The following CDKL5 variants were observed in gnomAD, a reference collection of about 807,000 sequenced individuals.
CDKL5 encodes cyclin dependent kinase like 5.
A neutral mutation model predicts 61.7 loss-of-function variants in CDKL5; 8 were observed. The observed-to-expected ratio is 0.13, with a 90% CI of 0.08 to 0.23. CDKL5 has a LOEUF of 0.23. Ranked by LOEUF, CDKL5 falls within the 10% of genes least tolerant of loss-of-function variation. The pLI is 1.00. For synonymous variants in CDKL5, 275 were observed against 272.3 expected, an observed-to-expected ratio of 1.01 and a Z score of -0.10; for missense variants, 440 against 734.5, an observed-to-expected ratio of 0.60 and a Z score of 4.63.
chrX:18,616,039 T>C (rs1196982388), intron 15 of CDKL5, among the ~76,000 whole-genome samples: 1 of 111,221 alleles, frequency 9.0e-6, no homozygotes, highest in Non-Finnish European at 1.9e-5. Context: ...CTACCCTCAT[T>C]TGGAGTCTGT....
At chrX:18,559,757 A>G (rs1311294763) in intron 3 of CDKL5, among the ~76,000 whole-genome samples, 14 of 102,595 alleles carry the variant, frequency 1.4e-4, no homozygotes, top group Non-Finnish European at 2.6e-4. Flanking sequence ...AGCATTAGGT[A>G]TATCTCCTAA....
At chrX:18,437,892 A>G (rs1443232966) in intron 1 of CDKL5, among the ~76,000 whole-genome samples, 3 of 111,848 alleles carry the variant, frequency 2.7e-5, no homozygotes, top group Non-Finnish European at 3.8e-5. Flanking sequence ...CATTCATTCA[A>G]GTCTTTCTTG....
At chrX:18,572,278 T>C (rs1925160485) in intron 4 of CDKL5, among the ~76,000 whole-genome samples, 1 of 111,734 alleles carries the variant, frequency 8.9e-6, no homozygotes, top group African/African-American at 3.3e-5. Flanking sequence ...CACTGTTCCT[T>C]CTACTAAAAC....
chrX:18,587,746 AAATT>A (rs1229553033), intron 8 of CDKL5: 12 of 435,826 alleles, frequency 2.8e-5, no homozygotes, highest in African/African-American at 2.5e-4. Context: ...TATACTAACT[AAATT>A]GTTATTAAAT....
chrX:18,459,121 C>G (rs994449126), intron 1 of CDKL5, among the ~76,000 whole-genome samples: 2 of 112,488 alleles, frequency 1.8e-5, no homozygotes, highest in African/African-American at 6.5e-5. Context: ...ATGTGCATAA[C>G]AGGAAATAGC....
intron 4 of CDKL5, among the ~76,000 whole-genome samples, chrX:18,570,504 C>T (rs1303566412): frequency 9.0e-6 from 1 of 111,531 alleles, no homozygotes; most frequent in Non-Finnish European, 1.9e-5. Context: ...GTCCCTTCTT[C>T]AATAAGAGCA....
At chrX:18,512,398 T>C (rs772452147) in intron 3 of CDKL5, among the ~76,000 whole-genome samples, 5 of 111,578 alleles carry the variant, frequency 4.5e-5, no homozygotes, top group Admixed American at 2.9e-4. Flanking sequence ...CACACATAAA[T>C]AAAGATGATA....
intron 20 of CDKL5, among the ~76,000 whole-genome samples, chrX:18,647,946 A>G (rs763927634): frequency 8.9e-6 from 1 of 111,918 alleles, no homozygotes; most frequent in Admixed American, 9.4e-5. Flanking sequence ...AGAAACAGCT[A>G]AAAGGAACTG....
chrX:18,514,784 T>C (rs1922953529), intron 3 of CDKL5, among the ~76,000 whole-genome samples: 1 of 110,916 alleles, frequency 9.0e-6, no homozygotes, highest in Admixed American at 9.6e-5. Flanking sequence ...TTTTTATTTG[T>C]ATGTGTTTGT....
At chrX:18,440,036 C>G (rs908860341) in intron 1 of CDKL5, among the ~76,000 whole-genome samples, 4 of 110,830 alleles carry the variant, frequency 3.6e-5, no homozygotes, top group Non-Finnish European at 7.5e-5. Flanking sequence ...TGGTGACTGA[C>G]TGATCAGGAT....
chrX:18,620,675 C>T (rs972204144), intron 16 of CDKL5, among the ~76,000 whole-genome samples: 9 of 111,425 alleles, frequency 8.1e-5, no homozygotes, highest in African/African-American at 2.3e-4. Context: ...GTAGTTCTTC[C>T]CCTAGATGAG....
chrX:18,543,400 C>G (rs1924091392), intron 3 of CDKL5, among the ~76,000 whole-genome samples: 1 of 109,973 alleles, frequency 9.1e-6, no homozygotes, highest in South Asian at 3.9e-4. Context: ...ACTTGCCTCT[C>G]AAGTGCCGAA....
At chrX:18,614,540 T>C (rs1336225665) in intron 15 of CDKL5, among the ~76,000 whole-genome samples, 2 of 112,017 alleles carry the variant, frequency 1.8e-5, no homozygotes, top group African/African-American at 3.2e-5. Context: ...AATGAGGCAA[T>C]GCATTAAAAG....
Position 18,628,917 on chromosome X carries a change from C to T in CDKL5, c.*160C>T, listed in dbSNP as rs1210410464. 1.0e-4 allele frequency: 108 copies of T among 1,054,800 alleles called. No individual in the cohort carries two copies. In the South Asian group the frequency reaches 2.8e-3, roughly 28 times the overall value. 86.9% of individuals were successfully genotyped at this position (1,054,800 alleles called of 1,213,427 possible). ...TGCATGTGTTGGGGCCGTTGAGCTCCTCGCGGCCACAAATGCTAGTCAGGG... is the reference window on the plus strand; with the variant it reads ...TGCATGTGTTGGGGCCGTTGAGCTCTTCGCGGCCACAAATGCTAGTCAGGG... On this transcript the variant is annotated 3_prime_UTR_variant, in exon 18 of 18. Transcript: ENST00000623535.
At chrX:18,488,268 A>C (rs1337590794) in intron 1 of CDKL5, among the ~76,000 whole-genome samples, 2 of 111,430 alleles carry the variant, frequency 1.8e-5, no homozygotes, top group Non-Finnish European at 3.8e-5. Flanking sequence ...CCAACTCATA[A>C]TGGCAAGCTA....
chrX:18,652,394 T>C (rs1326485662), intron 21 of CDKL5, among the ~76,000 whole-genome samples: 8 of 112,061 alleles, frequency 7.1e-5, no homozygotes, highest in Non-Finnish European at 1.1e-4. Flanking sequence ...CAAGGCTGGG[T>C]GCAGTGGCTC....
chrX:18,602,034 G>C (rs779970807), intron 11 of CDKL5, among the ~76,000 whole-genome samples: 1 of 111,791 alleles, frequency 8.9e-6, no homozygotes, highest in Non-Finnish European at 1.9e-5. Context: ...ACACAGCCAC[G>C]ATCTGAGTCA....
rs1927366898 is a variant in CDKL5 at position 18,635,705 on chromosome X, G to A, written c.*6948G>A. On this transcript the variant is annotated 3_prime_UTR_variant, in exon 18 of 18. Transcript: ENST00000623535. ...TTTGCACGTCGCTAGACACTCACGT[G>A]GTAGTTTGAGGAGGATGGGAAGAGA... 1.8e-6 allele frequency: 1 copy of A among 560,618 alleles called. No homozygotes were observed. Among genetic ancestry groups the A allele is most frequent in the African/African-American group, 2.5e-5 (1 of 39,580 alleles). 46.2% of individuals were successfully genotyped at this position (560,618 alleles called of 1,213,427 possible).
Position 18,628,966 on chromosome X carries a change from T to TA in CDKL5, c.*210dup. 9.8e-7 allele frequency: 1 copy of TA among 1,025,630 alleles called. No homozygotes were observed. The highest frequency in any genetic ancestry group is 1.2e-6 in the Non-Finnish European group (1 of 808,313). 84.5% of individuals were successfully genotyped at this position (1,025,630 alleles called of 1,213,427 possible). ...GGATCTTAGAGCCACAGGAGTTCCT[T>TA]AGGGATCGCCACTCCCCACAGGTCT... On this transcript the variant is annotated 3_prime_UTR_variant, in exon 18 of 18. Transcript: ENST00000623535.
Sources: allele counts gnomAD v4.1 joint callset (sites outside exome capture counted in the v4.1 genomes callset), GRCh38; gene constraint gnomAD v4.1.1; transcripts MANE v1.5; gene names NCBI Gene and HGNC (gene_info 2026-07-23, HGNC 2026-07-21).